The following GUCY1A2 variants were observed in gnomAD, a reference collection of about 807,000 sequenced individuals.
GUCY1A2 encodes the protein guanylate cyclase 1 soluble subunit alpha 2.
A neutral mutation model predicts 63.5 loss-of-function variants in GUCY1A2; 27 were observed. That is an observed-to-expected ratio of 0.43 (90% CI 0.31 to 0.59). The LOEUF is 0.59. Ranked by LOEUF, GUCY1A2 falls within the 20% of genes least tolerant of loss-of-function variation. GUCY1A2 has a pLI of 0.11. For synonymous variants in GUCY1A2, 364 were observed against 343.5 expected (o/e 1.06, Z -0.66); for missense variants, 768 against 913.3 (o/e 0.84, Z 2.05).
At chr11:106,699,037 C>A (rs1862772027) in intron 7 of GUCY1A2, among the ~76,000 whole-genome samples, 2 of 152,140 alleles carry the variant, frequency 1.3e-5, no homozygotes, top group South Asian at 4.1e-4. Flanking sequence ...CAGCAGCCCC[C>A]AAAATCCTCA....
At chr11:106,825,158 T>C (rs1858951287) in intron 4 of GUCY1A2, among the ~76,000 whole-genome samples, 1 of 152,186 alleles carries the variant, frequency 6.6e-6, no homozygotes, top group Non-Finnish European at 1.5e-5. Context: ...TTTTCCAGTA[T>C]AAAACAAGGG....
chr11:106,857,503 A>G lies in GUCY1A2; in HGVS notation c.1207-47025T>C, dbSNP rs145721157. ...CACACAGCTTCATATAAAACCAGTC[A>G]TTGCTGCTTCTCATATCTTGCTTTC... On this transcript the variant is annotated intron_variant, in intron 4 of 7. Coordinates refer to ENST00000526355, the MANE Select transcript of GUCY1A2 (RefSeq NM_000855.3). Among the ~76,000 whole-genome samples, 9 of 152,258 alleles carry G rather than the reference A, an allele frequency of 5.9e-5. No individual in the cohort carries two copies. The East Asian group carries it at 1.2e-3, about 20-fold the overall frequency.
intron 6 of GUCY1A2, among the ~76,000 whole-genome samples, chr11:106,714,559 A>G (rs987048559): frequency 6.6e-6 from 1 of 152,186 alleles, no homozygotes; most frequent in African/African-American, 2.4e-5. Flanking sequence ...AGGGCTTTAC[A>G]TTCATTTGGG....
At chr11:106,867,392 T>C (rs1374271440) in intron 4 of GUCY1A2, among the ~76,000 whole-genome samples, 2 of 152,014 alleles carry the variant, frequency 1.3e-5, no homozygotes, top group Non-Finnish European at 1.5e-5. Context: ...CTATGAGCAA[T>C]AGAGACTCTC....
intron 2 of GUCY1A2, among the ~76,000 whole-genome samples, chr11:106,981,524 A>T (rs890488869): frequency 1.3e-5 from 2 of 151,934 alleles, no homozygotes; most frequent in African/African-American, 4.8e-5. Flanking sequence ...CTGAATACAT[A>T]TTTCTTTATT....
intron 6 of GUCY1A2, among the ~76,000 whole-genome samples, chr11:106,775,149 A>G (rs1175042536): frequency 6.6e-6 from 1 of 152,174 alleles, no homozygotes; most frequent in Non-Finnish European, 1.5e-5. Flanking sequence ...GTAAAAACCC[A>G]TACTATGAAA....
intron 3 of GUCY1A2, among the ~76,000 whole-genome samples, chr11:106,940,605 G>A (rs1318639685): frequency 6.6e-6 from 1 of 151,972 alleles, no homozygotes; most frequent in Non-Finnish European, 1.5e-5. Context: ...CAAATTCCAT[G>A]GTTTACATTA....
chr11:106,731,912 T>C (rs893909852), intron 6 of GUCY1A2, among the ~76,000 whole-genome samples: 2 of 152,086 alleles, frequency 1.3e-5, no homozygotes, highest in East Asian at 1.9e-4. Context: ...TACAAACAAA[T>C]GGAAAAACAT....
At chr11:106,731,398 AG>A (rs1165196126) in intron 6 of GUCY1A2, among the ~76,000 whole-genome samples, 2 of 152,172 alleles carry the variant, frequency 1.3e-5, no homozygotes, top group Admixed American at 6.6e-5. Flanking sequence ...AAATAATAAG[AG>A]CCACCTATGA....
Position 106,775,514 on chromosome 11 carries a change from C to G in GUCY1A2, c.1836+925G>C, listed in dbSNP as rs185653016. 7.3e-3 allele frequency among the ~76,000 whole-genome samples: 1,100 copies of G among 150,340 alleles called. 12 individuals carry two copies. The highest frequency in any genetic ancestry group is 8.2e-3 in the Non-Finnish European group (553 of 67,726). Reference sequence around the variant, plus strand: ...CAATCTACACACGTAGTGTAATTGTCATGTTTTTCCTGTTCCTGTGAGCTC... The same window carrying G: ...CAATCTACACACGTAGTGTAATTGTGATGTTTTTCCTGTTCCTGTGAGCTC... On this transcript the variant is annotated intron_variant, in intron 6 of 7. Coordinates refer to ENST00000526355, the MANE Select transcript of GUCY1A2 (RefSeq NM_000855.3).
rs769921640 is a variant in GUCY1A2, at chr11:106,948,163, GT to G, written c.488-7986del. ...AGGAAAAAAACTAGATGACTGCAAA[GT>G]TTTTAAAATATTTTCCGGCCATAGA... On this transcript the variant is annotated intron_variant, in intron 3 of 7. Coordinates refer to ENST00000526355, the MANE Select transcript of GUCY1A2 (RefSeq NM_000855.3). Among the ~76,000 whole-genome samples, 8 of 151,986 alleles carry G rather than the reference GT, an allele frequency of 5.3e-5. No homozygotes were observed. In the South Asian group the frequency reaches 6.2e-4, roughly 12 times the overall value.
chr11:106,954,765 T>TG (rs1860959454), intron 3 of GUCY1A2, among the ~76,000 whole-genome samples: 1 of 152,270 alleles, frequency 6.6e-6, no homozygotes, highest in East Asian at 1.9e-4. Flanking sequence ...ATAATACCCT[T>TG]GTCTTTTTGT....
intron 6 of GUCY1A2, among the ~76,000 whole-genome samples, chr11:106,735,764 T>G (rs1863578876): frequency 6.6e-6 from 1 of 152,136 alleles, no homozygotes; most frequent in African/African-American, 2.4e-5. Flanking sequence ...CATATGAGGG[T>G]TCCCCTTTCT....
intron 4 of GUCY1A2, among the ~76,000 whole-genome samples, chr11:106,864,795 A>G (rs1859568001): frequency 6.6e-6 from 1 of 152,042 alleles, no homozygotes; most frequent in Admixed American, 6.6e-5. Context: ...AAGCTTTTTA[A>G]TGTGCTGCTG....
At position 106,939,529 on chromosome 11, in the gene GUCY1A2, C is replaced by A; in HGVS notation, c.1137G>T (p.Leu379=). The change falls in exon 4 of 8, where the codon CTG becomes CTT. Residue 379 remains leucine (L), a synonymous_variant. Coordinates refer to ENST00000526355, the MANE Select transcript of GUCY1A2 (RefSeq NM_000855.3). ...TCACAAACGGGGTAGACAGTCGCAGCAGGACCCTTTCAAAGGTGGCATTAA... is the reference window on the plus strand; with the variant it reads ...TCACAAACGGGGTAGACAGTCGCAGAAGGACCCTTTCAAAGGTGGCATTAA... The part of the protein sequence containing the change: ...PKVNATFERV[L]LRLSTPFVIR... 1 of 1,613,874 alleles carries A rather than the reference C, an allele frequency of 6.2e-7. No homozygotes were observed. Among genetic ancestry groups the A allele is most frequent in the African/African-American group, 1.3e-5 (1 of 75,048 alleles).
intron 5 of GUCY1A2, among the ~76,000 whole-genome samples, chr11:106,778,224 CACA>C (rs1864394634): frequency 6.6e-6 from 1 of 152,164 alleles, no homozygotes; most frequent in Non-Finnish European, 1.5e-5. Flanking sequence ...GTACTAAATG[CACA>C]ATTCCAGTGT....
At chr11:106,933,255 C>CA (rs1224144459) in intron 4 of GUCY1A2, among the ~76,000 whole-genome samples, 2 of 151,408 alleles carry the variant, frequency 1.3e-5, no homozygotes, top group South Asian at 2.1e-4. Flanking sequence ...GTTAAGCAAA[C>CA]AAAAAATAAC....
At chr11:106,908,730 C>G (rs1370220565) in intron 4 of GUCY1A2, among the ~76,000 whole-genome samples, 1 of 151,750 alleles carries the variant, frequency 6.6e-6, no homozygotes, top group Non-Finnish European at 1.5e-5. Flanking sequence ...ACTTATTGAC[C>G]AAGAGGATAT....
chr11:106,890,472 G>A (rs1424987243), intron 4 of GUCY1A2, among the ~76,000 whole-genome samples: 1 of 152,104 alleles, frequency 6.6e-6, no homozygotes, highest in Non-Finnish European at 1.5e-5. Context: ...TTAAGTTCTA[G>A]TCAAGAAGGC....
Sources: allele counts gnomAD v4.1 joint callset (sites outside exome capture counted in the v4.1 genomes callset), GRCh38; gene constraint gnomAD v4.1.1; transcripts MANE v1.5; gene names NCBI Gene and HGNC (gene_info 2026-07-23, HGNC 2026-07-21).